Variants in SLC31A2 observed in about 807,000 individuals in gnomAD.
The protein encoded by SLC31A2 is protein SLC31A2.
A neutral mutation model predicts 14.4 loss-of-function variants in SLC31A2; 16 were observed. That is an observed-to-expected ratio of 1.11 (90% confidence interval 0.75 to 1.69). The LOEUF is 1.69. Among genes scored for constraint, SLC31A2 ranks in the 40% most tolerant of loss-of-function variants. The pLI is 0.00. For missense variants in SLC31A2, 140 were observed against 173.9 expected (o/e 0.81, Z 1.10); for synonymous variants, 56 against 68.7 (o/e 0.82, Z 0.91).
At chr9:113,159,396 G>A (rs1469682299) in intron 2 of SLC31A2, among the ~76,000 whole-genome samples, 1 of 152,128 alleles carries the variant, frequency 6.6e-6, no homozygotes, top group Non-Finnish European at 1.5e-5. Flanking sequence ...ACCTCCCAAA[G>A]TGCTGGGATT....
At chr9:113,155,344 C>G (rs1311823192) in intron 1 of SLC31A2, among the ~76,000 whole-genome samples, 2 of 152,240 alleles carry the variant, frequency 1.3e-5, no homozygotes, top group Non-Finnish European at 2.9e-5. Flanking sequence ...TTCTAGCTAG[C>G]AACTTGGCAA....
rs1317457466 is a variant in SLC31A2, at chr9:113,164,044, A to G, written c.*1127A>G. The G allele has an allele frequency of 6.5e-6, 1 of 152,704 alleles. No individual in the cohort carries two copies. The highest frequency in any genetic ancestry group is 1.5e-5 in the Non-Finnish European group (1 of 68,046). The allele number at this position is 152,704 out of a possible 1,614,324, so 9.5% of individuals were successfully genotyped here. ...GAAAGAGAGAAAATCACTGCTGTAT[A>G]CTAAATACCTCACAGATTAGATGAA... On this transcript the variant is annotated 3_prime_UTR_variant, in exon 4 of 4. Transcript: ENST00000259392.
chr9:113,162,566 T>C, intron 3 of SLC31A2, 183 bp from the exon 4 acceptor site: 1 of 493,524 alleles, frequency 2.0e-6, no homozygotes, highest in East Asian at 3.4e-5. Context: ...TAAAAATAAA[T>C]CTCGAGTTTT....
rs1829861210 is a variant in SLC31A2, at chr9:113,151,325, G to A, written c.6+245G>A. On this transcript the variant is annotated intron_variant, in intron 1 of 3. Coordinates refer to ENST00000259392, the MANE Select transcript of SLC31A2 (RefSeq NM_001860.3). This position sits in a 1 kb window ranked among gnomAD's most constrained non-coding sequence, Gnocchi z 4.2. ...CAGTCCGGCTAGGCGAGCAGTTACCGAGCGCCCGCGGTGGCGCGGCTTGAG... is the reference window on the plus strand; with the variant it reads ...CAGTCCGGCTAGGCGAGCAGTTACCAAGCGCCCGCGGTGGCGCGGCTTGAG... Among the ~76,000 whole-genome samples, 1 of 151,868 alleles carries A rather than the reference G, an allele frequency of 6.6e-6. No homozygotes were observed. The highest frequency in any genetic ancestry group is 2.4e-5 in the African/African-American group (1 of 41,362).
intron 1 of SLC31A2, among the ~76,000 whole-genome samples, chr9:113,154,560 G>A (rs543114751): frequency 2.6e-5 from 4 of 152,212 alleles, no homozygotes; most frequent in African/African-American, 4.8e-5. Context: ...TTAGGGGCCT[G>A]AGGAGGCCCA....
chr9:113,154,683 C>T (rs1829911887), intron 1 of SLC31A2, among the ~76,000 whole-genome samples: 1 of 152,198 alleles, frequency 6.6e-6, no homozygotes, highest in Admixed American at 6.5e-5. Context: ...CCCAGTGATT[C>T]ACCCGGGACT....
intron 2 of SLC31A2, among the ~76,000 whole-genome samples, chr9:113,159,630 A>G (rs927131659): frequency 2.6e-5 from 4 of 152,144 alleles, no homozygotes; most frequent in African/African-American, 7.2e-5. Flanking sequence ...TCCCTCAGTG[A>G]CAACTTTTCT....
In SLC31A2 at chr9:113,156,128, T is replaced by C; in HGVS notation, c.7-1599T>C. 9.6e-6 allele frequency: 5 copies of C among 518,376 alleles called. 1 individual carries two copies. The highest frequency in any genetic ancestry group is 7.0e-5 in the South Asian group (5 of 71,562). The allele number at this position is 518,376 out of a possible 1,614,324, so 32.1% of individuals were successfully genotyped here. A position where few individuals can be genotyped will look rare whatever the true frequency, so the allele number is the denominator to read the frequency against. ...GGCAGCTAATCAAATCTGCCTACCT[T>C]TCCACCCCCACACTGACGTTTGCCT... On this transcript the variant is annotated intron_variant, in intron 1 of 3. Coordinates refer to ENST00000259392, the MANE Select transcript of SLC31A2 (RefSeq NM_001860.3).
rs372520542 is a variant in SLC31A2, at chr9:113,151,101, T to G, written c.6+21T>G. On this transcript the variant is annotated intron_variant, in intron 1 of 3. Coordinates refer to ENST00000259392, the MANE Select transcript of SLC31A2 (RefSeq NM_001860.3). This position sits in a 1 kb window ranked among gnomAD's most constrained non-coding sequence, Gnocchi z 4.2. ...TGGCGGTAAGGGCCGGGCGCTACGG[T>G]GAAGAGGGTGGGCGGTTGGGGCGGG... The G allele has an allele frequency of 3.3e-4, 431 of 1,302,670 alleles. 3 individuals are homozygous for G. The African/African-American group carries it at 6.1e-3, about 18-fold the overall frequency. The allele number at this position is 1,302,670 out of a possible 1,614,324, so 80.7% of individuals were successfully genotyped here.
At chr9:113,159,165 C>T (rs1230191055) in intron 2 of SLC31A2, among the ~76,000 whole-genome samples, 1 of 152,120 alleles carries the variant, frequency 6.6e-6, no homozygotes, top group Non-Finnish European at 1.5e-5. Context: ...AATGGAGTCT[C>T]TGTCGCCCAG....
chr9:113,153,067 C>G (rs926938899), intron 1 of SLC31A2, among the ~76,000 whole-genome samples: 4 of 151,806 alleles, frequency 2.6e-5, no homozygotes, highest in African/African-American at 9.7e-5. Context: ...ATTGTTTGTA[C>G]CTGTTTGGTT....
In SLC31A2 at chr9:113,157,713, C is replaced by G; in HGVS notation, c.7-14C>G. The G allele has an allele frequency of 6.2e-7, 1 of 1,607,520 alleles. No individual in the cohort carries two copies. The highest frequency in any genetic ancestry group is 8.5e-7 in the Non-Finnish European group (1 of 1,176,012). On this transcript the variant is annotated splice_polypyrimidine_tract_variant and intron_variant, in intron 1 of 3. Transcript: ENST00000259392. ...GCCCTGTGCCCCTATGATGCAGATT[C>G]CTTTCTCTTTCAGATGCATTTCATC...
At position 113,162,793 on chromosome 9, in the gene SLC31A2, A is replaced by G; in HGVS notation, c.308A>G (p.Gln103Arg). Residue 103 changes from glutamine (Q) to arginine (R), a missense_variant, in exon 4 of 4, where the codon CAG (glutamine) becomes CGG (arginine). By Grantham distance (43) the Gln-to-Arg change is conservative. Coordinates refer to ENST00000259392, the MANE Select transcript of SLC31A2 (RefSeq NM_001860.3). ...GGCCAGTCTCTAATCCATGTCATCC[A>G]GGTGGTCATCGGCTACTTCATCATG... ...HFGQSLIHVI[Q>R]VVIGYFIMLA... The G allele has an allele frequency of 6.2e-7, 1 of 1,613,826 alleles. No homozygotes were observed. The highest frequency in any genetic ancestry group is 8.5e-7 in the Non-Finnish European group (1 of 1,179,830).
Position 113,163,287 on chromosome 9 carries a change from A to G in SLC31A2, c.*370A>G, listed in dbSNP as rs1300644890. On this transcript the variant is annotated 3_prime_UTR_variant, in exon 4 of 4. Coordinates refer to ENST00000259392, the MANE Select transcript of SLC31A2 (RefSeq NM_001860.3). ...AGAAGGGTTCTTGGTGATGCAGGGC[A>G]TGGAACCTGGACACCCTCAGCTCTC... The G allele has an allele frequency of 6.2e-6, 1 of 162,262 alleles. No homozygotes were observed. Among genetic ancestry groups the G allele is most frequent in the Non-Finnish European group, 1.3e-5 (1 of 74,698 alleles). The allele number at this position is 162,262 out of a possible 1,614,324, so 10.1% of individuals were successfully genotyped here.
chr9:113,151,171 C>A lies in SLC31A2; in HGVS notation c.6+91C>A. The A allele has an allele frequency of 8.2e-7, 1 of 1,222,190 alleles. No homozygotes were observed. The highest frequency in any genetic ancestry group is 1.0e-6 in the Non-Finnish European group (1 of 959,936). The allele number at this position is 1,222,190 out of a possible 1,614,324, so 75.7% of individuals were successfully genotyped here. A position where few individuals can be genotyped will look rare whatever the true frequency, so the allele number is the denominator to read the frequency against. ...TCGGCACCCCGAATCCTCGCTGCCG[C>A]TGGCCCGGGGCTGGTGAAGGGTGTG... On this transcript the variant is annotated intron_variant, in intron 1 of 3. Coordinates refer to ENST00000259392, the MANE Select transcript of SLC31A2 (RefSeq NM_001860.3). This position sits in a 1 kb window ranked among gnomAD's most constrained non-coding sequence, Gnocchi z 4.2.
At position 113,157,708 on chromosome 9, in the gene SLC31A2, A is replaced by C; in HGVS notation, c.7-19A>C. On this transcript the variant is annotated intron_variant, in intron 1 of 3. Coordinates refer to ENST00000259392, the MANE Select transcript of SLC31A2 (RefSeq NM_001860.3). ...CCACTGCCCTGTGCCCCTATGATGC[A>C]GATTCCTTTCTCTTTCAGATGCATT... The C allele has an allele frequency of 6.2e-7, 1 of 1,604,070 alleles. No individual in the cohort carries two copies. The highest frequency in any genetic ancestry group is 8.5e-7 in the Non-Finnish European group (1 of 1,173,422).
In SLC31A2 at chr9:113,151,352, G is replaced by A. The variant is rs1017672179; in HGVS notation, c.6+272G>A. The stretch of plus-strand genomic sequence containing the variant: ...GCGCCCGCGGTGGCGCGGCTTGAGA[G>A]TGGGGGCGCGGTGGCTGAAGACAGC... On this transcript the variant is annotated intron_variant, in intron 1 of 3. Coordinates refer to ENST00000259392, the MANE Select transcript of SLC31A2 (RefSeq NM_001860.3). The surrounding 1 kb of genome is among the most constrained non-coding windows in gnomAD (Gnocchi z 4.2). Among the ~76,000 whole-genome samples, 65 of 152,102 alleles carry A rather than the reference G, an allele frequency of 4.3e-4. No individual in the cohort carries two copies. Among genetic ancestry groups the A allele is most frequent in the African/African-American group, 1.5e-3 (63 of 41,438 alleles).
Position 113,162,790 on chromosome 9 carries a change from T to C in SLC31A2, c.305T>C (p.Ile102Thr), listed in dbSNP as rs1210318577. The C allele has an allele frequency of 6.2e-7, 1 of 1,613,926 alleles. No homozygotes were observed. The highest frequency in any genetic ancestry group is 8.5e-7 in the Non-Finnish European group (1 of 1,179,866). Residue 102 changes from isoleucine (I) to threonine (T), a missense_variant, in exon 4 of 4, where the codon ATC becomes ACC. Coordinates refer to ENST00000259392, the MANE Select transcript of SLC31A2 (RefSeq NM_001860.3). Reference sequence around the variant, plus strand: ...TTTGGCCAGTCTCTAATCCATGTCATCCAGGTGGTCATCGGCTACTTCATC... The same window carrying C: ...TTTGGCCAGTCTCTAATCCATGTCACCCAGGTGGTCATCGGCTACTTCATC... ...CHFGQSLIHV[I>T]QVVIGYFIML... is the part of the protein sequence containing the mutation.
intron 3 of SLC31A2, 21 bp from the exon 4 acceptor site, chr9:113,162,728 T>G: frequency 1.2e-6 from 2 of 1,600,972 alleles, no homozygotes; most frequent in Non-Finnish European, 1.7e-6. Flanking sequence ...CAGGATTAAC[T>G]TGCTTCTCCT....
Sources: gnomAD v4.1 joint callset for allele counts (sites outside exome capture counted in the v4.1 genomes callset) on GRCh38, gnomAD v4.1.1 for gene constraint, Gnocchi (gnomAD v3.1) non-coding constraint, MANE v1.5 for transcripts, NCBI Gene and HGNC (gene_info 2026-07-23, HGNC 2026-07-21) for gene names.